Variants in CLNS1A observed in about 807,000 individuals in gnomAD.
The protein encoded by CLNS1A is chloride nucleotide-sensitive channel 1A, also known as methylosome subunit pICln.
A neutral mutation model predicts 29.4 loss-of-function variants in CLNS1A; 16 were observed. The ratio of observed to expected loss-of-function variants is 0.54; its 90% CI spans 0.37 to 0.83. The LOEUF is 0.83. Among genes scored for constraint, CLNS1A ranks in the 40% least tolerant of loss-of-function variants. The probability of loss-of-function intolerance (pLI) is 0.00; values close to 1 mark genes in which losing one functional copy is unlikely to be tolerated. For synonymous variants in CLNS1A, 96 were observed against 104.8 expected (o/e 0.92, Z 0.51); for missense variants, 235 against 287.4 (o/e 0.82, Z 1.32).
intron 1 of CLNS1A, among the ~76,000 whole-genome samples, chr11:77,635,365 T>G (rs909824345): frequency 6.6e-6 from 1 of 151,476 alleles, no homozygotes. Flanking sequence ...CTTTTTTTTT[T>G]TTTTTTGAGA....
At chr11:77,617,056 G>A (rs770623733) in intron 6 of CLNS1A, among the ~76,000 whole-genome samples, 6 of 152,098 alleles carry the variant, frequency 3.9e-5, no homozygotes, top group Non-Finnish European at 7.4e-5. Context: ...TTTAAAGCAT[G>A]TACAATTTTA....
At chr11:77,637,243 T>TAA (rs747109219) in intron 1 of CLNS1A, among the ~76,000 whole-genome samples, 11 of 43,160 alleles carry the variant, frequency 2.5e-4, no homozygotes, top group South Asian at 8.6e-4. Context: ...ATAGGCGAGT[T>TAA]AAAAAAAAAA....
At chr11:77,631,563 C>T (rs1008577432) in intron 1 of CLNS1A, among the ~76,000 whole-genome samples, 1 of 151,850 alleles carries the variant, frequency 6.6e-6, no homozygotes, top group African/African-American at 2.4e-5. Flanking sequence ...GTGATCCACC[C>T]GCCTCGGCCT....
chr11:77,628,014 C>T (rs1959038341), intron 2 of CLNS1A, among the ~76,000 whole-genome samples: 1 of 152,056 alleles, frequency 6.6e-6, no homozygotes, highest in African/African-American at 2.4e-5. Context: ...TTAGTAGAGA[C>T]AGGGTTTCAC....
At chr11:77,619,303 G>C (rs2135759142) in intron 6 of CLNS1A, among the ~76,000 whole-genome samples, 1 of 152,300 alleles carries the variant, frequency 6.6e-6, no homozygotes, top group Non-Finnish European at 1.5e-5. Flanking sequence ...ATGCCGAGGA[G>C]GGAGAATCAT....
chr11:77,626,046 G>T (rs978100698), intron 2 of CLNS1A, among the ~76,000 whole-genome samples: 1 of 151,914 alleles, frequency 6.6e-6, no homozygotes, highest in Non-Finnish European at 1.5e-5. Flanking sequence ...TGCTCCCTCC[G>T]CGCCTCACCG....
At chr11:77,621,386 T>G (rs756762983) in intron 5 of CLNS1A, among the ~76,000 whole-genome samples, 1 of 151,856 alleles carries the variant, frequency 6.6e-6, no homozygotes, top group African/African-American at 2.4e-5. Flanking sequence ...AACAGAAAAT[T>G]AATAGTAAAT....
chr11:77,634,532 T>C (rs980101553), intron 1 of CLNS1A, among the ~76,000 whole-genome samples: 2 of 152,104 alleles, frequency 1.3e-5, no homozygotes, highest in African/African-American at 4.8e-5. Context: ...GAGACCAGCC[T>C]GGCCAACATG....
intron 5 of CLNS1A, among the ~76,000 whole-genome samples, chr11:77,620,029 C>T (rs1958940893): frequency 6.6e-6 from 1 of 152,190 alleles, no homozygotes. Context: ...CAGCCCTATC[C>T]TCACAAAGTG....
At chr11:77,625,898 T>C in intron 2 of CLNS1A, 80 bp from the exon 3 acceptor site, 3 of 1,153,256 alleles carry the variant, frequency 2.6e-6, no homozygotes, top group Non-Finnish European at 2.4e-6. Flanking sequence ...ATATTGCAAT[T>C]CAATTTTAAT....
intron 3 of CLNS1A, 69 bp downstream of exon 3, chr11:77,625,630 GGTGTGTGTGTGTGTGTAT>G (rs1022021782): frequency 3.9e-6 from 4 of 1,024,950 alleles, no homozygotes; most frequent in Non-Finnish European, 5.6e-6. Context: ...AAAGGTGAGA[GGTGTGTGTGTGTGTGTAT>G]GTGTGTGTGT....
rs998980797 is a variant in CLNS1A at position 77,637,761 on chromosome 11, C to A, written c.-47G>T. 1.9e-5 allele frequency: 29 copies of A among 1,528,548 alleles called. No homozygotes were observed. The highest frequency in any genetic ancestry group is 9.9e-5 in the South Asian group (8 of 81,130). 94.7% of individuals were successfully genotyped at this position (1,528,548 alleles called of 1,614,324 possible). A position where few individuals can be genotyped will look rare whatever the true frequency, so the allele number is the denominator to read the frequency against. The stretch of plus-strand genomic sequence containing the variant: ...AGGCCCTGAGGGAGTTGGAGCACAG[C>A]AATGCGTGCACCACACCGCCCGCCC... On this transcript the variant is annotated 5_prime_UTR_variant, in exon 1 of 7. Coordinates refer to ENST00000525428, the MANE Select transcript of CLNS1A (RefSeq NM_001293.3).
chr11:77,635,371 T>G (rs75571196), intron 1 of CLNS1A, among the ~76,000 whole-genome samples: 1 of 150,434 alleles, frequency 6.6e-6, no homozygotes, highest in Non-Finnish European at 1.5e-5. Flanking sequence ...TTTTTTTTTT[T>G]GAGACAGTCT....
intron 1 of CLNS1A, among the ~76,000 whole-genome samples, chr11:77,631,099 T>C (rs1959069104): frequency 1.3e-5 from 2 of 152,120 alleles, no homozygotes; most frequent in African/African-American, 4.8e-5. Context: ...CAGGAGAACC[T>C]AGGACTGCCT....
chr11:77,628,437 C>G (rs1959042942), intron 2 of CLNS1A, among the ~76,000 whole-genome samples: 1 of 152,164 alleles, frequency 6.6e-6, no homozygotes. Flanking sequence ...CTACTACACC[C>G]CAAGGTTAAC....
intron 2 of CLNS1A, among the ~76,000 whole-genome samples, chr11:77,626,104 A>C (rs931904504): frequency 6.6e-6 from 1 of 152,092 alleles, no homozygotes; most frequent in Non-Finnish European, 1.5e-5. Context: ...TCTCATCAAC[A>C]ATGAGCTAAG....
intron 2 of CLNS1A, among the ~76,000 whole-genome samples, chr11:77,627,585 A>G (rs1959033401): frequency 6.6e-6 from 1 of 152,210 alleles, no homozygotes; most frequent in Admixed American, 6.5e-5. Flanking sequence ...CCAATCATAT[A>G]GATTCTGTAT....
intron 3 of CLNS1A, chr11:77,625,492 C>G (rs1959007412): frequency 2.0e-6 from 1 of 498,186 alleles, no homozygotes; most frequent in African/African-American, 2.0e-5. Flanking sequence ...CAAAATATAC[C>G]CAGATGACAG....
intron 2 of CLNS1A, 126 bp from the exon 3 acceptor site, chr11:77,625,944 G>A (rs549982757): frequency 4.5e-6 from 4 of 896,698 alleles, no homozygotes; most frequent in African/African-American, 3.4e-5. Flanking sequence ...TTCCAATTAT[G>A]GTTGAAAAAT....
Sources: allele counts gnomAD v4.1 joint callset (sites outside exome capture counted in the v4.1 genomes callset), GRCh38; gene constraint gnomAD v4.1.1; transcripts MANE v1.5; gene names NCBI Gene and HGNC (gene_info 2026-07-23, HGNC 2026-07-21).